IL22RA1: variants seen among roughly 807,000 people sequenced by gnomAD.
IL22RA1 encodes interleukin 22 receptor subunit alpha 1.
A neutral mutation model predicts 32.8 loss-of-function variants in IL22RA1; 25 were observed. The ratio of observed to expected loss-of-function variants is 0.76; its 90% CI spans 0.55 to 1.06. The LOEUF is 1.06. Among genes scored for constraint, IL22RA1 ranks in the 50% least tolerant of loss-of-function variants. The pLI is 0.00. For missense variants in IL22RA1, 709 were observed against 727.4 expected, an observed-to-expected ratio of 0.97 and a Z score of 0.29; for synonymous variants, 305 against 305.0, an observed-to-expected ratio of 1.00 and a Z score of 0.00.
chr1:24,122,812 C>T (rs889255809), intron 6 of IL22RA1, among the ~76,000 whole-genome samples: 2 of 151,724 alleles, frequency 1.3e-5, no homozygotes, highest in Non-Finnish European at 2.9e-5. Flanking sequence ...AAAAAAAAAT[C>T]TGTTTAAAAA....
chr1:24,134,464 GAAA>G (rs1644228753), intron 3 of IL22RA1, 78 bp from the exon 4 acceptor site: 4 of 1,034,044 alleles, frequency 3.9e-6, no homozygotes, highest in Non-Finnish European at 5.3e-6. Flanking sequence ...TTGGACAGTG[GAAA>G]ATGACTGCTC....
intron 1 of IL22RA1, 73 bp from the exon 2 acceptor site, chr1:24,138,787 A>G: frequency 6.5e-7 from 1 of 1,530,110 alleles, no homozygotes; most frequent in Non-Finnish European, 8.9e-7. Flanking sequence ...GCTCAGTCAG[A>G]GTCCTGCCCC....
Position 24,121,610 on chromosome 1 carries a change from G to A in IL22RA1, c.920C>T (p.Ser307Phe), listed in dbSNP as rs138316261. ...AGCTCCTGCGGGCTCCCTGGGTCCA[G>A]ACACCCTGATCTGGGAGTACTGGAC... is the stretch of plus-strand genomic sequence containing the variant. ...QPVQYSQIRV[S>F]GPREPAGAPQ... Residue 307 changes from serine (S) to phenylalanine (F), a missense_variant, in exon 7 of 7, where the codon TCT (serine) becomes TTT (phenylalanine). By Grantham distance (155) the Ser-to-Phe change is radical. Coordinates refer to ENST00000270800, the MANE Select transcript of IL22RA1 (RefSeq NM_021258.4). The A allele has an allele frequency of 6.2e-7, 1 of 1,613,154 alleles. No individual in the cohort carries two copies. The highest frequency in any genetic ancestry group is 1.7e-5 in the Admixed American group (1 of 59,960).
Position 24,134,391 on chromosome 1 carries a change from G to A in IL22RA1, c.356-5C>T. On this transcript the variant is annotated splice_region_variant and splice_polypyrimidine_tract_variant and intron_variant, in intron 3 of 6. Coordinates refer to ENST00000270800, the MANE Select transcript of IL22RA1 (RefSeq NM_021258.4). The stretch of plus-strand genomic sequence containing the variant: ...CATCAGGTGGCTTGAGGGTAGCTGG[G>A]GATAGGGAGAGAGAAAAGAGAAAAG... The A allele has an allele frequency of 6.8e-7, 1 of 1,479,218 alleles. No homozygotes were observed. The highest frequency in any genetic ancestry group is 2.6e-5 in the East Asian group (1 of 39,014). The allele number at this position is 1,479,218 out of a possible 1,614,324, so 91.6% of individuals were successfully genotyped here.
At chr1:24,139,352 G>GT (rs1644264940) in intron 1 of IL22RA1, among the ~76,000 whole-genome samples, 1 of 152,204 alleles carries the variant, frequency 6.6e-6, no homozygotes, top group Non-Finnish European at 1.5e-5. Flanking sequence ...GGACATTTGG[G>GT]TTGTTTCTAC....
intron 4 of IL22RA1, among the ~76,000 whole-genome samples, 161 bp downstream of exon 4, chr1:24,134,050 T>C (rs1343013764): frequency 6.6e-6 from 1 of 152,160 alleles, no homozygotes; most frequent in African/African-American, 2.4e-5. Flanking sequence ...AAGTTGTCAT[T>C]TGTGATGATT....
chr1:24,129,612 C>T (rs1335159950), intron 4 of IL22RA1, among the ~76,000 whole-genome samples: 1 of 152,154 alleles, frequency 6.6e-6, no homozygotes, highest in Non-Finnish European at 1.5e-5. Flanking sequence ...CAGAAATCTT[C>T]CTTTAAAGGG....
intron 3 of IL22RA1, 103 bp from the exon 4 acceptor site, chr1:24,134,489 C>A: frequency 1.3e-6 from 1 of 786,732 alleles, no homozygotes. Context: ...CTCTCTCCTT[C>A]CACTCCAGTG....
rs1238325830 is a variant in IL22RA1, at chr1:24,121,559, A to C, written c.971T>G (p.Ile324Ser). ...GAPQRHSLSE[I>S]TYLGQPDISI... is the part of the protein sequence containing the mutation. ...GATGTCTGGCTGCCCTAAGTAGGTG[A>C]TCTCGGACAGGCTATGCCGCTGTGG... The change falls in exon 7 of 7, where the codon ATC (isoleucine) becomes AGC (serine). Residue 324 changes from isoleucine (I) to serine (S), a missense_variant. Transcript: ENST00000270800. The C allele has an allele frequency of 1.9e-6, 3 of 1,607,788 alleles. No individual in the cohort carries two copies. Among genetic ancestry groups the C allele is most frequent in the Non-Finnish European group, 2.6e-6 (3 of 1,176,088 alleles).
intron 1 of IL22RA1, among the ~76,000 whole-genome samples, chr1:24,142,360 G>A (rs1557633124): frequency 6.6e-6 from 1 of 152,252 alleles, no homozygotes; most frequent in Non-Finnish European, 1.5e-5. Context: ...CAATGCACCA[G>A]GAGAGCAGAG....
chr1:24,132,101 G>C (rs775768581), intron 4 of IL22RA1, among the ~76,000 whole-genome samples: 3 of 152,064 alleles, frequency 2.0e-5, no homozygotes, highest in Non-Finnish European at 2.9e-5. Flanking sequence ...CTACAGCATA[G>C]TCCCATCCAG....
Position 24,123,196 on chromosome 1 carries a change from A to G in IL22RA1, c.792+106T>C, listed in dbSNP as rs752097091. 58 of 1,439,622 alleles carry G rather than the reference A, an allele frequency of 4.0e-5. No individual in the cohort carries two copies. In the Middle Eastern group the frequency reaches 7.6e-4, roughly 19 times the overall value. 89.2% of individuals were successfully genotyped at this position (1,439,622 alleles called of 1,614,324 possible). A position where few individuals can be genotyped will look rare whatever the true frequency, so the allele number is the denominator to read the frequency against. The stretch of plus-strand genomic sequence containing the variant: ...CTCCGTGAATGGAGAGAGCAGGCCC[A>G]TCTCCTGCTTTGTCTGTGGATCCCT... On this transcript the variant is annotated intron_variant, in intron 6 of 6. Coordinates refer to ENST00000270800, the MANE Select transcript of IL22RA1 (RefSeq NM_021258.4).
chr1:24,120,785 C>T lies in IL22RA1; in HGVS notation c.*20G>A. On this transcript the variant is annotated 3_prime_UTR_variant, in exon 7 of 7. Transcript: ENST00000270800. ...ACTGGGTAGGGACAGGGAGGAAGCA[C>T]CAAGCCTTTCCCATTCCCCTCAGGA... 4 of 1,567,820 alleles carry T rather than the reference C, an allele frequency of 2.6e-6. No homozygotes were observed. In the South Asian group the frequency reaches 3.6e-5, roughly 14 times the overall value.
intron 2 of IL22RA1, among the ~76,000 whole-genome samples, chr1:24,137,635 G>A (rs577716672): frequency 6.0e-5 from 9 of 151,028 alleles, no homozygotes; most frequent in Admixed American, 1.3e-4. Flanking sequence ...TCCTGCCTCA[G>A]CCTCCCGAGT....
In IL22RA1 at chr1:24,134,340, C is replaced by T. The variant is rs548546292; in HGVS notation, c.402G>A (p.Ser134=). 10 of 1,591,446 alleles carry T rather than the reference C, an allele frequency of 6.3e-6. No individual in the cohort carries two copies. Among genetic ancestry groups the T allele is most frequent in the South Asian group, 4.5e-5 (4 of 88,312 alleles). Residue 134 remains serine, a synonymous_variant, in exon 4 of 7, where the codon TCG becomes TCA. Transcript: ENST00000270800. ...GGGTAGGATGAACAATCATCTGAAT[C>T]GATCTCACTTTGGAGATACAGGTCA... ...PDVTCISKVR[S]IQMIVHPTPT...
At chr1:24,128,615 C>A (rs1644181940) in intron 4 of IL22RA1, among the ~76,000 whole-genome samples, 1 of 152,038 alleles carries the variant, frequency 6.6e-6, no homozygotes, top group South Asian at 2.1e-4. Context: ...CCCACGCTCC[C>A]ACTATCCCTC....
At chr1:24,140,897 C>T (rs1479210672) in intron 1 of IL22RA1, among the ~76,000 whole-genome samples, 7 of 152,254 alleles carry the variant, frequency 4.6e-5, no homozygotes, top group African/African-American at 1.7e-4. Flanking sequence ...CTTCCCCAGA[C>T]ACGTCTACGA....
intron 5 of IL22RA1, 27 bp downstream of exon 5, chr1:24,128,114 C>T (rs776453511): frequency 2.0e-6 from 3 of 1,493,124 alleles, no homozygotes; most frequent in South Asian, 1.4e-5. Context: ...GGGAGCCCCA[C>T]CTCCCTCTGG....
intron 1 of IL22RA1, among the ~76,000 whole-genome samples, chr1:24,140,390 G>A (rs1248920618): frequency 2.0e-5 from 3 of 152,306 alleles, no homozygotes; most frequent in South Asian, 2.1e-4. Flanking sequence ...GAAGACATTC[G>A]CTCTGTAGGG....
Sources: gnomAD v4.1 joint callset for allele counts (sites outside exome capture counted in the v4.1 genomes callset) on GRCh38, gnomAD v4.1.1 for gene constraint, MANE v1.5 for transcripts, NCBI Gene and HGNC (gene_info 2026-07-23, HGNC 2026-07-21) for gene names.